The following SEMA6D variants were observed in gnomAD, a reference collection of about 807,000 sequenced individuals.
SEMA6D encodes semaphorin 6D.
SEMA6D carries 35 observed loss-of-function variants against 106.6 expected under a neutral mutation model. That is an observed-to-expected ratio of 0.33 (90% CI 0.25 to 0.44). The LOEUF (loss-of-function observed/expected upper bound fraction) is 0.44, where lower values mean the gene tolerates loss of function less well. Among genes scored for constraint, SEMA6D ranks in the 20% least tolerant of loss-of-function variants. The pLI, the probability that SEMA6D is intolerant of heterozygous loss-of-function variation, is 1.00. For missense variants in SEMA6D, 1,185 were observed against 1,345.9 expected (o/e 0.88, Z 1.87); for synonymous variants, 499 against 487.7 (o/e 1.02, Z -0.31).
intron 4 of SEMA6D, among the ~76,000 whole-genome samples, chr15:47,683,702 A>G (rs1306258752): frequency 1.3e-5 from 2 of 152,350 alleles, no homozygotes; most frequent in East Asian, 3.9e-4. Context: ...CATATATAAC[A>G]CACACAAACG....
At chr15:47,329,875 A>G (rs936673792) in intron 1 of SEMA6D, among the ~76,000 whole-genome samples, 2 of 152,184 alleles carry the variant, frequency 1.3e-5, no homozygotes, top group African/African-American at 4.8e-5. Context: ...CATAGTCATC[A>G]TCTCCTCAAC....
intron 4 of SEMA6D, among the ~76,000 whole-genome samples, chr15:47,635,205 A>G (rs2077365344): frequency 6.6e-6 from 1 of 152,176 alleles, no homozygotes; most frequent in Non-Finnish European, 1.5e-5. Flanking sequence ...GAAGACAGGA[A>G]CTAGGGGAAT....
At chr15:47,683,063 T>C (rs957153411) in intron 4 of SEMA6D, among the ~76,000 whole-genome samples, 31 of 152,212 alleles carry the variant, frequency 2.0e-4, no homozygotes, top group African/African-American at 7.0e-4. Flanking sequence ...GCACATATTT[T>C]TTATATTTTT....
intron 3 of SEMA6D, among the ~76,000 whole-genome samples, chr15:47,546,162 C>G (rs1284928667): frequency 2.6e-5 from 4 of 152,028 alleles, no homozygotes; most frequent in Non-Finnish European, 4.4e-5. Flanking sequence ...TTTAAGGAAA[C>G]TTAAAACTCC....
intron 1 of SEMA6D, among the ~76,000 whole-genome samples, chr15:47,327,073 T>A (rs1351046544): frequency 6.6e-6 from 1 of 152,158 alleles, no homozygotes; most frequent in East Asian, 1.9e-4. Flanking sequence ...TAATGATGCC[T>A]TTGGAAGGCA....
At chr15:47,425,370 A>T (rs2140459896) in intron 2 of SEMA6D, among the ~76,000 whole-genome samples, 1 of 152,112 alleles carries the variant, frequency 6.6e-6, no homozygotes, top group Non-Finnish European at 1.5e-5. Flanking sequence ...GCTGCCTCTA[A>T]GACCTTTTAA....
rs1555445502 is a variant in SEMA6D, at chr15:47,471,931, T to TCTCACA, written c.-87+1387_-87+1388insTCACAC. 0.01 allele frequency among the ~76,000 whole-genome samples: 1,225 copies of TCTCACA among 121,450 alleles called. 33 individuals carry two copies. The East Asian group carries it at 0.11, about 11-fold the overall frequency. The allele number at this position is 121,450 out of a possible 152,430, so 79.7% of individuals were successfully genotyped here. ...CTCTCTCTCTCTCTCTCTCTCTCTC[T>TCTCACA]CACACACACACACACACACACACAC... is the stretch of plus-strand genomic sequence containing the variant. On this transcript the variant is annotated intron_variant, in intron 3 of 19. Transcript: ENST00000558014.
At chr15:47,565,839 C>T (rs888529305) in intron 3 of SEMA6D, among the ~76,000 whole-genome samples, 3 of 152,202 alleles carry the variant, frequency 2.0e-5, no homozygotes, top group East Asian at 1.9e-4. Flanking sequence ...TTTTCTTCTT[C>T]ATCACTGCAT....
chr15:47,598,978 C>T lies in SEMA6D; in HGVS notation c.-86-1887C>T, dbSNP rs371883960. Reference sequence around the variant, plus strand: ...CACAGCCTGACGTCACTTTTCATATCATCCTAAGTCTGTGTTTCCCAAAAT... The same window carrying T: ...CACAGCCTGACGTCACTTTTCATATTATCCTAAGTCTGTGTTTCCCAAAAT... On this transcript the variant is annotated intron_variant, in intron 3 of 19. Coordinates refer to the SEMA6D transcript ENST00000558014. 9.9e-5 allele frequency among the ~76,000 whole-genome samples: 15 copies of T among 152,164 alleles called. No homozygotes were observed. The East Asian group carries it at 1.2e-3, about 12-fold the overall frequency.
intron 4 of SEMA6D, among the ~76,000 whole-genome samples, chr15:47,658,988 A>G (rs1485082358): frequency 6.6e-6 from 1 of 152,136 alleles, no homozygotes; most frequent in Non-Finnish European, 1.5e-5. Flanking sequence ...GAAAACTTTA[A>G]TATTCTATTG....
At chr15:47,501,335 T>C (rs1351603957) in intron 3 of SEMA6D, among the ~76,000 whole-genome samples, 1 of 152,172 alleles carries the variant, frequency 6.6e-6, no homozygotes, top group Non-Finnish European at 1.5e-5. Flanking sequence ...TATTTCTTTC[T>C]CTGCTTCTTT....
At chr15:47,532,709 C>T (rs1161534557) in intron 3 of SEMA6D, among the ~76,000 whole-genome samples, 1 of 152,100 alleles carries the variant, frequency 6.6e-6, no homozygotes. Flanking sequence ...TGGTAAAGAT[C>T]CTGTGGAGAT....
At chr15:47,371,941 T>C (rs2039287261) in intron 1 of SEMA6D, among the ~76,000 whole-genome samples, 3 of 152,224 alleles carry the variant, frequency 2.0e-5, no homozygotes. Flanking sequence ...AATAGAAGCT[T>C]AGCCAGGTCC....
chr15:47,694,507 A>T (rs1050191126), intron 4 of SEMA6D, among the ~76,000 whole-genome samples: 1 of 151,978 alleles, frequency 6.6e-6, no homozygotes, highest in Non-Finnish European at 1.5e-5. Context: ...TAAACCTCCA[A>T]AGGAAAAGTC....
chr15:47,214,239 G>A (rs2030339909), intron 1 of SEMA6D, among the ~76,000 whole-genome samples: 1 of 152,146 alleles, frequency 6.6e-6, no homozygotes, highest in African/African-American at 2.4e-5. Flanking sequence ...TAAAAAGTAC[G>A]ACTTAAACGT....
chr15:47,613,203 A>T (rs1488387252), intron 4 of SEMA6D, among the ~76,000 whole-genome samples: 1 of 152,114 alleles, frequency 6.6e-6, no homozygotes, highest in Non-Finnish European at 1.5e-5. Context: ...ATCATATTTC[A>T]CCTCAACTCA....
intron 3 of SEMA6D, among the ~76,000 whole-genome samples, chr15:47,596,996 A>G (rs2076550012): frequency 6.6e-6 from 1 of 152,138 alleles, no homozygotes; most frequent in Non-Finnish European, 1.5e-5. Flanking sequence ...GAGAAAACCT[A>G]CAGATTGAGA....
intron 4 of SEMA6D, among the ~76,000 whole-genome samples, chr15:47,665,669 G>T (rs2078011773): frequency 6.6e-6 from 1 of 152,164 alleles, no homozygotes; most frequent in Non-Finnish European, 1.5e-5. Flanking sequence ...AATTAGCTGG[G>T]CATGGTGACA....
intron 1 of SEMA6D, among the ~76,000 whole-genome samples, chr15:47,302,699 C>T (rs1044844799): frequency 7.9e-5 from 12 of 151,996 alleles, no homozygotes; most frequent in Middle Eastern, 3.2e-3. Context: ...AACTTGTCTT[C>T]GACAGATTTG....
Sources: allele counts gnomAD v4.1 joint callset (sites outside exome capture counted in the v4.1 genomes callset), GRCh38; gene constraint gnomAD v4.1.1; transcripts MANE v1.5; gene names NCBI Gene and HGNC (gene_info 2026-07-23, HGNC 2026-07-21).